SLC9D1: variants seen among roughly 807,000 people sequenced by gnomAD.
The protein encoded by SLC9D1 is putative LAG1-interacting protein.
At chr13:113,540,108 T>C in the SLC9D1 span, among the ~76,000 whole-genome samples, 1 of 152,242 alleles carries the variant, frequency 6.6e-6, no homozygotes, top group Admixed American at 6.5e-5. Flanking sequence ...TTTCTTTATC[T>C]GGTCCACGGT....
the SLC9D1 span, chr13:113,520,636 G>A: frequency 3.0e-5 from 48 of 1,613,644 alleles, no homozygotes; most frequent in East Asian, 4.5e-5. Flanking sequence ...CTACAGCACC[G>A]TGCTCCTCGG....
chr13:113,537,458 G>A, the SLC9D1 span, among the ~76,000 whole-genome samples: 3 of 152,350 alleles, frequency 2.0e-5, no homozygotes, highest in East Asian at 3.9e-4. Context: ...CCGCGTCGCC[G>A]TGCGCACCAG....
the SLC9D1 span, among the ~76,000 whole-genome samples, chr13:113,509,950 G>C: frequency 6.6e-6 from 1 of 152,146 alleles, no homozygotes; most frequent in African/African-American, 2.4e-5. Flanking sequence ...TCTGAAAGTG[G>C]GGAAAATGGT....
the SLC9D1 span, among the ~76,000 whole-genome samples, chr13:113,526,270 GAAGA>G: frequency 6.6e-6 from 1 of 152,084 alleles, no homozygotes; most frequent in African/African-American, 2.4e-5. Context: ...GAATAAATAA[GAAGA>G]AAGAAAATAT....
chr13:113,547,715 A>G, the SLC9D1 span, among the ~76,000 whole-genome samples: 2 of 152,188 alleles, frequency 1.3e-5, no homozygotes, highest in African/African-American at 4.8e-5. Context: ...AAAATGGTGT[A>G]GGCACTTTCT....
At chr13:113,520,564 T>G in the SLC9D1 span, 6 of 1,297,094 alleles carry the variant, frequency 4.6e-6, no homozygotes, top group Non-Finnish European at 3.3e-6. Context: ...ATTTTGACTT[T>G]GGATACTTTT....
chr13:113,532,795 C>T, the SLC9D1 span, among the ~76,000 whole-genome samples: 4 of 145,562 alleles, frequency 2.7e-5, no homozygotes, highest in African/African-American at 7.6e-5. Flanking sequence ...AAGTCGCAGA[C>T]GTGGGCCCTG....
chr13:113,494,301 T>C, the SLC9D1 span, among the ~76,000 whole-genome samples: 2 of 152,164 alleles, frequency 1.3e-5, no homozygotes, highest in Admixed American at 6.5e-5. Flanking sequence ...GTGGCCAAAT[T>C]CCACGGACTC....
chr13:113,547,523 G>A, the SLC9D1 span: 4 of 649,870 alleles, frequency 6.2e-6, no homozygotes, highest in Non-Finnish European at 1.1e-5. Context: ...TGGGCCACTG[G>A]ACCCCGGGGG....
the SLC9D1 span, among the ~76,000 whole-genome samples, chr13:113,539,161 A>C: frequency 6.6e-6 from 1 of 152,216 alleles, no homozygotes; most frequent in African/African-American, 2.4e-5. This position sits in a 1 kb window ranked among gnomAD's most constrained non-coding sequence, Gnocchi z 4.8. Context: ...AGTAAGGTTA[A>C]TTCAACTAAT....
At chr13:113,496,180 A>G in the SLC9D1 span, among the ~76,000 whole-genome samples, 1 of 152,234 alleles carries the variant, frequency 6.6e-6, no homozygotes, top group Admixed American at 6.5e-5. Flanking sequence ...GATGTCGCTC[A>G]GGTGTTGTCT....
the SLC9D1 span, chr13:113,534,479 T>A: frequency 1.9e-6 from 1 of 524,464 alleles, no homozygotes; most frequent in Non-Finnish European, 3.3e-6. Context: ...ATAGTGTTTG[T>A]GAGTATTTCA....
the SLC9D1 span, among the ~76,000 whole-genome samples, chr13:113,503,007 T>C: frequency 6.6e-6 from 1 of 152,226 alleles, no homozygotes. Flanking sequence ...CAGAATGGCC[T>C]CTGGGAAGAA....
chr13:113,503,241 C>T, the SLC9D1 span, among the ~76,000 whole-genome samples: 2 of 151,938 alleles, frequency 1.3e-5, no homozygotes, highest in African/African-American at 4.8e-5. Flanking sequence ...CTTAATAAAT[C>T]AGCTAAACCA....
At chr13:113,544,346 A>G in the SLC9D1 span, among the ~76,000 whole-genome samples, 1 of 152,182 alleles carries the variant, frequency 6.6e-6, no homozygotes, top group Non-Finnish European at 1.5e-5. Flanking sequence ...GCGCCGAAGG[A>G]TGGCCCAGAA....
chr13:113,547,356 A>G, the SLC9D1 span: 1 of 1,614,002 alleles, frequency 6.2e-7, no homozygotes, highest in East Asian at 2.2e-5. Flanking sequence ...GGTGTTCCTC[A>G]CCTTGTCAGT....
the SLC9D1 span, among the ~76,000 whole-genome samples, chr13:113,522,164 T>C: frequency 6.6e-5 from 10 of 152,232 alleles, no homozygotes; most frequent in Admixed American, 6.5e-4. Flanking sequence ...GCATTCAGTC[T>C]CTCACCACTA....
the SLC9D1 span, among the ~76,000 whole-genome samples, chr13:113,525,977 G>A: frequency 1.3e-5 from 2 of 151,968 alleles, no homozygotes; most frequent in Non-Finnish European, 2.9e-5. Context: ...CGTAGGAGAC[G>A]ACAGCTCTGT....
At chr13:113,548,424 C>G in the SLC9D1 span, 3 of 1,611,118 alleles carry the variant, frequency 1.9e-6, no homozygotes, top group African/African-American at 2.7e-5. Flanking sequence ...GGGAGCCGGG[C>G]GCGAAGAGCG....
Sources: gnomAD v4.1 joint callset for allele counts (sites outside exome capture counted in the v4.1 genomes callset) on GRCh38, gnomAD v4.1.1 for gene constraint, Gnocchi (gnomAD v3.1) non-coding constraint, MANE v1.5 for transcripts, NCBI Gene and HGNC (gene_info 2026-07-23, HGNC 2026-07-21) for gene names.